Variants in ABCC8 observed in about 807,000 individuals in gnomAD.
ABCC8 encodes ATP binding cassette subfamily C member 8, also known as ATP-binding cassette sub-family C member 8.
A neutral mutation model predicts 188.0 loss-of-function variants in ABCC8; 137 were observed. That is an observed-to-expected ratio of 0.73 (90% CI 0.63 to 0.84). ABCC8 has a LOEUF of 0.84. ABCC8 is among the 40% of genes least tolerant of loss of function. The probability of loss-of-function intolerance (pLI) is 0.00; values close to 1 mark genes in which losing one functional copy is unlikely to be tolerated. For synonymous variants in ABCC8, 797 were observed against 846.5 expected (o/e 0.94, Z 1.01); for missense variants, 1,750 against 2,072.7 (o/e 0.84, Z 3.02).
intron 6 of ABCC8, among the ~76,000 whole-genome samples, chr11:17,453,960 C>T (rs1956904313): frequency 6.6e-6 from 1 of 152,156 alleles, no homozygotes. Context: ...CTAAAGATAC[C>T]AGGGATCAAC....
intron 10 of ABCC8, 47 bp downstream of exon 10, chr11:17,442,660 ACACCCTCTCCTTG>A: frequency 6.4e-7 from 1 of 1,560,110 alleles, no homozygotes; most frequent in Non-Finnish European, 8.8e-7. Context: ...CCGAGCTCTG[ACACCCTCTCCTTG>A]CATGTACGCA....
In ABCC8 at chr11:17,412,757, A is replaced by G; in HGVS notation, c.2476-11T>C. On this transcript the variant is annotated splice_polypyrimidine_tract_variant and intron_variant, in intron 20 of 38. Coordinates refer to ENST00000389817, the MANE Select transcript of ABCC8 (RefSeq NM_000352.6). ...AGACAGGTTGATGCCCTGTCACCAA[A>G]GAGGAGGAACACATCATGCCCTCAG... The G allele has an allele frequency of 6.2e-7, 1 of 1,604,582 alleles. No individual in the cohort carries two copies. Among genetic ancestry groups the G allele is most frequent in the Non-Finnish European group, 8.5e-7 (1 of 1,175,552 alleles).
chr11:17,402,831 G>C (rs1954315467), intron 28 of ABCC8, 78 bp from the exon 29 acceptor site: 3 of 1,546,086 alleles, frequency 1.9e-6, no homozygotes, highest in Admixed American at 3.4e-5. Context: ...AGCTCCACCT[G>C]CTACCGCTGT....
Position 17,404,255 on chromosome 11 carries a change from A to T in ABCC8, c.3557+257T>A, listed in dbSNP as rs1954393042. 6.6e-6 allele frequency among the ~76,000 whole-genome samples: 1 copy of T among 152,186 alleles called. No homozygotes were observed. Among genetic ancestry groups the T allele is most frequent in the East Asian group, 1.9e-4 (1 of 5,198 alleles). ...GGGCATAAAATGTGCATTTATCATG[A>T]CCTAGCAATTCCAGTCCTGACCATA... On this transcript the variant is annotated intron_variant, in intron 28 of 38. Transcript: ENST00000389817. This position sits in a 1 kb window ranked among gnomAD's most constrained non-coding sequence, Gnocchi z 4.7.
At chr11:17,469,896 C>T (rs1047868729) in intron 3 of ABCC8, among the ~76,000 whole-genome samples, 15 of 152,316 alleles carry the variant, frequency 9.8e-5, no homozygotes, top group African/African-American at 3.6e-4. Flanking sequence ...TCCCCACCAC[C>T]TATTTGTTTG....
chr11:17,395,028 G>T, intron 36 of ABCC8, 144 bp downstream of exon 36: 1 of 1,075,802 alleles, frequency 9.3e-7, no homozygotes, highest in South Asian at 1.4e-5. Flanking sequence ...CTGGGCCCCC[G>T]TATAGTGAGA....
At chr11:17,456,300 C>T (rs1385410190) in intron 6 of ABCC8, among the ~76,000 whole-genome samples, 1 of 152,178 alleles carries the variant, frequency 6.6e-6, no homozygotes, top group African/African-American at 2.4e-5. Context: ...GTACTTTCTA[C>T]AGAAGTTATT....
At chr11:17,445,696 A>G (rs1564951365) in intron 8 of ABCC8, among the ~76,000 whole-genome samples, 1 of 152,176 alleles carries the variant, frequency 6.6e-6, no homozygotes, top group Non-Finnish European at 1.5e-5. Flanking sequence ...TGCTGGTCAA[A>G]TCTATAAGTG....
At chr11:17,434,055 C>T (rs1333798542) in intron 10 of ABCC8, among the ~76,000 whole-genome samples, 2 of 152,144 alleles carry the variant, frequency 1.3e-5, no homozygotes, top group African/African-American at 4.8e-5. Context: ...GGAGGATGCC[C>T]ATCAGACCTA....
At chr11:17,469,948 A>C (rs1251499329) in intron 3 of ABCC8, among the ~76,000 whole-genome samples, 153 bp downstream of exon 3, 1 of 152,156 alleles carries the variant, frequency 6.6e-6, no homozygotes, top group African/African-American at 2.4e-5. Context: ...CTCCTTCACC[A>C]GACTGTAAGC....
Position 17,413,466 on chromosome 11 carries a change from G to T in ABCC8, c.2403C>A (p.Val801=), listed in dbSNP as rs148863748. The T allele has an allele frequency of 2.0e-5, 32 of 1,613,912 alleles. No homozygotes were observed. Among genetic ancestry groups the T allele is most frequent in the Non-Finnish European group, 2.6e-5 (31 of 1,180,050 alleles). The change falls in exon 20 of 39, where the codon GTC becomes GTA. Residue 801 remains valine (V), a synonymous_variant. Transcript: ENST00000389817. ...SPFNKQRYKM[V]IEACSLQPDI... is the part of the protein sequence containing the mutation. ...CTGGCTGCAGAGAGCAGGCTTCAAT[G>T]ACCATCTTGTACCTGGCGTGGGTAG...
At chr11:17,394,100 G>T (rs113835366) in intron 37 of ABCC8, among the ~76,000 whole-genome samples, 166 bp downstream of exon 37, 49 of 152,278 alleles carry the variant, frequency 3.2e-4, no homozygotes, top group African/African-American at 1.2e-3. Context: ...CATTCCCTAA[G>T]ACTAGACAGA....
intron 8 of ABCC8, among the ~76,000 whole-genome samples, chr11:17,444,953 A>G (rs577121055): frequency 6.6e-6 from 1 of 152,236 alleles, no homozygotes; most frequent in African/African-American, 2.4e-5. Context: ...TGTGGCTGGC[A>G]TATAGTTGGA....
intron 22 of ABCC8, 162 bp downstream of exon 22, chr11:17,410,354 C>A (rs1043374482): frequency 1.3e-6 from 1 of 787,350 alleles, no homozygotes; most frequent in East Asian, 2.7e-5. Context: ...TGTACAGGGT[C>A]TCCCTGAAAT....
intron 11 of ABCC8, 101 bp downstream of exon 11, chr11:17,432,103 C>A: frequency 3.5e-6 from 5 of 1,443,142 alleles, no homozygotes; most frequent in Non-Finnish European, 4.7e-6. Context: ...AGCCTGTCTT[C>A]TGAGGCCCCT....
chr11:17,449,155 T>C (rs1956659890), intron 7 of ABCC8, among the ~76,000 whole-genome samples: 1 of 152,224 alleles, frequency 6.6e-6, no homozygotes, highest in African/African-American at 2.4e-5. Flanking sequence ...CTCAAACTCC[T>C]GACCTCAGGA....
In ABCC8 at chr11:17,396,960, G is replaced by A. The variant is rs1420192171; in HGVS notation, c.4075C>T (p.Pro1359Ser). 6.2e-7 allele frequency: 1 copy of A among 1,614,198 alleles called. No individual in the cohort carries two copies. The highest frequency in any genetic ancestry group is 8.5e-7 in the Non-Finnish European group (1 of 1,180,024). ...LSVRYDSSLKPVLKHVNALIA... is the reference protein window; with the variant it reads ...LSVRYDSSLKSVLKHVNALIA... The stretch of plus-strand genomic sequence containing the variant: ...AGGGCATTGACGTGCTTCAGCACCG[G>A]CTTCAGGGAGCTGTCGTAGCGCACG... Residue 1359 changes from proline (P) to serine (S), a missense_variant, in exon 33 of 39, where the codon CCG (proline) becomes TCG (serine). Coordinates refer to ENST00000389817, the MANE Select transcript of ABCC8 (RefSeq NM_000352.6).
chr11:17,396,676 G>A (rs1953945474), intron 33 of ABCC8: 1 of 561,192 alleles, frequency 1.8e-6, no homozygotes, highest in Non-Finnish European at 3.2e-6. Context: ...AGTCCAGAGT[G>A]TCGGTCTCCT....
intron 23 of ABCC8, 180 bp downstream of exon 23, chr11:17,408,212 T>G: frequency 1.7e-6 from 1 of 604,658 alleles, no homozygotes; most frequent in East Asian, 2.8e-5. Context: ...GATTCTGCCC[T>G]GGGCACCTGG....
Sources: allele counts gnomAD v4.1 joint callset (sites outside exome capture counted in the v4.1 genomes callset), GRCh38; gene constraint gnomAD v4.1.1; non-coding constraint Gnocchi (gnomAD v3.1); transcripts MANE v1.5; gene names NCBI Gene and HGNC (gene_info 2026-07-23, HGNC 2026-07-21).